Variants in SRP68 observed in about 807,000 individuals in gnomAD.
SRP68 encodes the protein signal recognition particle 68.
In SRP68, 15 loss-of-function variants were observed where a neutral mutation model predicts 82.2. The observed-to-expected ratio is 0.18, with a 90% CI of 0.12 to 0.28. SRP68 has a LOEUF of 0.28. SRP68 is among the 10% of genes least tolerant of loss of function. The pLI is 1.00. For missense variants in SRP68, 595 were observed against 780.5 expected, an observed-to-expected ratio of 0.76 and a Z score of 2.83; for synonymous variants, 261 against 292.6, an observed-to-expected ratio of 0.89 and a Z score of 1.10.
chr17:76,048,557 G>C (rs968408943), intron 9 of SRP68: 1 of 152,356 alleles, frequency 6.6e-6, no homozygotes, highest in African/African-American at 2.4e-5. Flanking sequence ...CGGAAGCAGA[G>C]GGGAGAGGAG....
chr17:76,068,953 C>T (rs923610799), intron 2 of SRP68, among the ~76,000 whole-genome samples: 5 of 150,970 alleles, frequency 3.3e-5, no homozygotes, highest in African/African-American at 1.2e-4. Context: ...GTCTAATATG[C>T]AGATGTTCAA....
rs769606132 is a variant in SRP68 at position 76,039,920 on chromosome 17, C to T, written c.1670G>A (p.Arg557Gln). The T allele has an allele frequency of 3.7e-6, 6 of 1,614,018 alleles. No individual in the cohort carries two copies. The highest frequency in any genetic ancestry group is 1.3e-5 in the African/African-American group (1 of 74,924). ...AGGGTCCAGGCAGAATGTCTCAAAC[C>T]GTTCAACCAGAGGCTGGAAGTCAAA... is the stretch of plus-strand genomic sequence containing the variant. ...QVKDNKPLVE[R>Q]FETFCLDPSL... The change falls in exon 16 of 16, where the codon CGG (arginine) becomes CAG (glutamine). Residue 557 changes from arginine to glutamine, a missense_variant. Physicochemically the swap from Arg to Gln is conservative, Grantham distance 43. Around this residue, in one of 2 missense-constraint regions of SRP68, gnomAD observed 495 missense variants for 688.6 expected, o/e 0.72. Transcript: ENST00000307877.
At chr17:76,061,389 A>G in intron 5 of SRP68, 103 bp downstream of exon 5, 1 of 1,096,042 alleles carries the variant, frequency 9.1e-7, no homozygotes, top group South Asian at 1.4e-5. Flanking sequence ...AGGAAAGAAA[A>G]GTCACCCTCA....
intron 4 of SRP68, among the ~76,000 whole-genome samples, chr17:76,062,145 G>A (rs2066756942): frequency 6.6e-6 from 1 of 151,954 alleles, no homozygotes; most frequent in South Asian, 2.1e-4. Flanking sequence ...AAATTAGCTG[G>A]ACATGGCGGC....
rs769792798 is a variant in SRP68 at position 76,040,916 on chromosome 17, G to T, written c.1587C>A (p.Ala529=). Residue 529 remains alanine (A), a synonymous_variant, in exon 14 of 16, where the codon GCC becomes GCA. Transcript: ENST00000307877. The part of the protein sequence containing the change: ...QVRSEKCSLQ[A]AAILDANDAH... ...CAGGGGGCTCACCAAGGATGGCTGCGGCCTGCAGGGAGCACTTCTCTGACC... is the reference window on the plus strand; with the variant it reads ...CAGGGGGCTCACCAAGGATGGCTGCTGCCTGCAGGGAGCACTTCTCTGACC... 1.9e-6 allele frequency: 3 copies of T among 1,613,864 alleles called. No individual in the cohort carries two copies. In the African/African-American group the frequency reaches 4.0e-5, roughly 22 times the overall value.
chr17:76,057,481 C>G lies in SRP68; in HGVS notation c.900G>C (p.Gly300=). The change falls in exon 8 of 16, where the codon GGG becomes GGC. Residue 300 remains glycine (G), a synonymous_variant. Coordinates refer to ENST00000307877, the MANE Select transcript of SRP68 (RefSeq NM_014230.4). ...AATMSEVEWR[G]RTVPVKIDKV... ...TGTCAATCTTCACTGGAACCGTTCT[C>G]CCTCTCCACTCCACTTCACTCATGG... The G allele has an allele frequency of 6.2e-7, 1 of 1,613,972 alleles. No individual in the cohort carries two copies. Among genetic ancestry groups the G allele is most frequent in the Non-Finnish European group, 8.5e-7 (1 of 1,179,932 alleles).
Position 76,067,210 on chromosome 17 carries a change from T to G in SRP68, c.365+7A>C. 1.9e-6 allele frequency: 3 copies of G among 1,603,390 alleles called. No homozygotes were observed. Among genetic ancestry groups the G allele is most frequent in the Non-Finnish European group, 2.6e-6 (3 of 1,170,442 alleles). On this transcript the variant is annotated splice_region_variant and intron_variant, in intron 3 of 15. Coordinates refer to ENST00000307877, the MANE Select transcript of SRP68 (RefSeq NM_014230.4). ...GTAATTTGCAACTAGCATGGAGCAG[T>G]CAATACCTATTATCGGTCAGAAGCT...
At chr17:76,056,282 T>C (rs896553067) in intron 8 of SRP68, among the ~76,000 whole-genome samples, 21 of 152,292 alleles carry the variant, frequency 1.4e-4, no homozygotes, top group African/African-American at 5.1e-4. Context: ...TGTCTGGCAC[T>C]GAACTGAGGA....
intron 7 of SRP68, 137 bp downstream of exon 7, chr17:76,060,171 C>CA (rs2144514086): frequency 5.4e-6 from 1 of 184,258 alleles, no homozygotes; most frequent in South Asian, 1.5e-4. Flanking sequence ...TTTGTTCAAA[C>CA]TTTTAGCAAA....
At position 76,040,413 on chromosome 17, in the gene SRP68, A is replaced by G; in HGVS notation, c.1656+6T>C. On this transcript the variant is annotated splice_donor_region_variant and intron_variant, in intron 15 of 15. Transcript: ENST00000307877. ...GTATTCCTCAAAAACCATGGCCCAG[A>G]CTTACCTTATTGTCCTTGACTTGGG... The G allele has an allele frequency of 6.2e-7, 1 of 1,613,716 alleles. No homozygotes were observed. Among genetic ancestry groups the G allele is most frequent in the Non-Finnish European group, 8.5e-7 (1 of 1,179,606 alleles).
intron 5 of SRP68, 51 bp downstream of exon 5, chr17:76,061,441 T>G: frequency 6.6e-7 from 1 of 1,513,808 alleles, no homozygotes. Context: ...CAGCTTAAAT[T>G]TGACAATCTG....
At chr17:76,040,728 C>T (rs2066583341) in intron 14 of SRP68, 175 bp downstream of exon 14, 3 of 683,202 alleles carry the variant, frequency 4.4e-6, no homozygotes, top group Non-Finnish European at 7.6e-6. Flanking sequence ...TAACAGTGCA[C>T]TCGAAATGCT....
chr17:76,048,707 T>C (rs572805637), intron 9 of SRP68: 7 of 152,372 alleles, frequency 4.6e-5, no homozygotes, highest in Admixed American at 2.0e-4. Context: ...GTGAACCCAC[T>C]AGATTTCTGA....
intron 7 of SRP68, among the ~76,000 whole-genome samples, 183 bp downstream of exon 7, chr17:76,060,125 C>CAAAAAAAAAAA (rs1168111688): frequency 1.7e-4 from 5 of 28,786 alleles, no homozygotes; most frequent in African/African-American, 2.3e-4. Flanking sequence ...GACTCCATCT[C>CAAAAAAAAAAA]AAAAAAAAAA....
At chr17:76,049,148 T>C (rs1233639498) in intron 9 of SRP68, 3 of 152,226 alleles carry the variant, frequency 2.0e-5, no homozygotes, top group Admixed American at 6.5e-5. Context: ...TTGTACGTTA[T>C]GAATGCATTT....
At position 76,060,142 on chromosome 17, in the gene SRP68, A is replaced by AAG. The variant is rs1555628999; in HGVS notation, c.837+165_837+166insCT. On this transcript the variant is annotated intron_variant, in intron 7 of 15. Coordinates refer to ENST00000307877, the MANE Select transcript of SRP68 (RefSeq NM_014230.4). ...CTCCATCTCAAAAAAAAAAAAAAAA[A>AAG]AAAAAAAAGAAAAAGTTTTTTGTTC... is the stretch of plus-strand genomic sequence containing the variant. 2.7e-5 allele frequency among the ~76,000 whole-genome samples: 4 copies of AAG among 150,264 alleles called. No individual in the cohort carries two copies. In the East Asian group the frequency reaches 7.7e-4, roughly 29 times the overall value.
chr17:76,039,521 G>A lies in SRP68; in HGVS notation c.*185C>T, dbSNP rs1485380156. The A allele has an allele frequency of 3.0e-6, 2 of 661,972 alleles. No homozygotes were observed. Among genetic ancestry groups the A allele is most frequent in the East Asian group, 2.7e-5 (1 of 36,508 alleles). 41.0% of individuals were successfully genotyped at this position (661,972 alleles called of 1,614,324 possible). On this transcript the variant is annotated 3_prime_UTR_variant, in exon 16 of 16. Coordinates refer to ENST00000307877, the MANE Select transcript of SRP68 (RefSeq NM_014230.4). Reference sequence around the variant, plus strand: ...CACACATTTACCAGAAGACAACAGGGTGCTCTCCTGACACGCTGCTTAAGA... The same window carrying A: ...CACACATTTACCAGAAGACAACAGGATGCTCTCCTGACACGCTGCTTAAGA...
At position 76,061,479 on chromosome 17, in the gene SRP68, C is replaced by T; in HGVS notation, c.644+13G>A. The T allele has an allele frequency of 6.2e-7, 1 of 1,610,460 alleles. No individual in the cohort carries two copies. Among genetic ancestry groups the T allele is most frequent in the Non-Finnish European group, 8.5e-7 (1 of 1,177,388 alleles). ...ATTAAAACTGGCCACAGCCTTTGGACTATAGGACTTACTTGCATTTGTTAA... is the reference window on the plus strand; with the variant it reads ...ATTAAAACTGGCCACAGCCTTTGGATTATAGGACTTACTTGCATTTGTTAA... On this transcript the variant is annotated intron_variant, in intron 5 of 15. Coordinates refer to ENST00000307877, the MANE Select transcript of SRP68 (RefSeq NM_014230.4).
chr17:76,064,256 C>T (rs558879347), intron 3 of SRP68, 85 bp from the exon 4 acceptor site: 29 of 1,268,588 alleles, frequency 2.3e-5, no homozygotes, highest in Middle Eastern at 4.3e-4. Context: ...GGCTTCTCGG[C>T]TTTTCTTTAT....
Sources: allele counts gnomAD v4.1 joint callset (sites outside exome capture counted in the v4.1 genomes callset), GRCh38; gene constraint gnomAD v4.1.1; regional missense constraint gnomAD v4.1.1; transcripts MANE v1.5; gene names NCBI Gene and HGNC (gene_info 2026-07-23, HGNC 2026-07-21).